The following MTSS1 variants were observed in gnomAD, a reference collection of about 807,000 sequenced individuals.
MTSS1 encodes protein MTSS 1.
MTSS1 carries 18 observed loss-of-function variants against 79.0 expected under a neutral mutation model. The observed-to-expected ratio is 0.23, with a 90% CI of 0.16 to 0.34. The LOEUF (loss-of-function observed/expected upper bound fraction) is 0.34. Among genes scored for constraint, MTSS1 ranks in the 10% least tolerant of loss-of-function variants. The pLI is 1.00. For synonymous variants in MTSS1, 341 were observed against 368.6 expected, an observed-to-expected ratio of 0.93 and a Z score of 0.86; for missense variants, 815 against 986.2, an observed-to-expected ratio of 0.83 and a Z score of 2.33.
At chr8:124,657,475 C>CAAAAA (rs58258455) in intron 3 of MTSS1, among the ~76,000 whole-genome samples, 2 of 106,992 alleles carry the variant, frequency 1.9e-5, no homozygotes, top group African/African-American at 3.3e-5. Flanking sequence ...GCAGAGTCAG[C>CAAAAA]AAAAAAAAAA....
In MTSS1 at chr8:124,691,015, C is replaced by A. The variant is rs117977678; in HGVS notation, c.208+8511G>T. 2.9e-3 allele frequency among the ~76,000 whole-genome samples: 442 copies of A among 152,204 alleles called. 7 individuals carry two copies. Among genetic ancestry groups the A allele is most frequent in the Non-Finnish European group, 1.5e-3 (100 of 68,022 alleles). On this transcript the variant is annotated intron_variant, in intron 3 of 13. Coordinates refer to ENST00000518547, the MANE Select transcript of MTSS1 (RefSeq NM_014751.6). The stretch of plus-strand genomic sequence containing the variant: ...TCTGAAGTTTCATAGAAAGCACACC[C>A]CAAACAATGACAGCTTTAAAAAAAA...
intron 10 of MTSS1, chr8:124,558,782 CACTG>C: frequency 6.3e-7 from 1 of 1,582,730 alleles, no homozygotes; most frequent in Non-Finnish European, 8.5e-7. Context: ...TGCACTCGCT[CACTG>C]ACTGGCAGGT....
intron 12 of MTSS1, 36 bp from the exon 13 acceptor site, chr8:124,555,940 TAGGG>T (rs1457282692): frequency 2.5e-6 from 4 of 1,579,544 alleles, no homozygotes; most frequent in African/African-American, 1.4e-5. Context: ...CAGGTTGCTT[TAGGG>T]GGGGGGCTCA....
intron 3 of MTSS1, among the ~76,000 whole-genome samples, chr8:124,627,696 T>C (rs1387322579): frequency 3.9e-5 from 6 of 152,042 alleles, no homozygotes; most frequent in Non-Finnish European, 5.9e-5. Context: ...CAGGGATCAC[T>C]GAAAGGGTAA....
At chr8:124,706,513 T>C (rs535555974) in intron 1 of MTSS1, among the ~76,000 whole-genome samples, 15 of 152,382 alleles carry the variant, frequency 9.8e-5, no homozygotes, top group South Asian at 4.1e-4. Context: ...CCTTCATGCA[T>C]TGGAGACCTG....
chr8:124,582,626 A>G lies in MTSS1; in HGVS notation c.460+2461T>C, dbSNP rs1830238619. ...ATCAGATTCCGTCTATCAGGACAAA[A>G]AAAAAAATGTATCCAAAACCTTCAT... On this transcript the variant is annotated intron_variant, in intron 6 of 13. Coordinates refer to ENST00000518547, the MANE Select transcript of MTSS1 (RefSeq NM_014751.6). The surrounding 1 kb of genome is among the most constrained non-coding windows in gnomAD (Gnocchi z 4.8). Among the ~76,000 whole-genome samples, 1 of 152,196 alleles carries G rather than the reference A, an allele frequency of 6.6e-6. No homozygotes were observed. Among genetic ancestry groups the G allele is most frequent in the Non-Finnish European group, 1.5e-5 (1 of 68,018 alleles).
chr8:124,622,094 G>GAGAGAGAGAGAA (rs1554678118), intron 3 of MTSS1, among the ~76,000 whole-genome samples: 21 of 150,184 alleles, frequency 1.4e-4, no homozygotes, highest in Admixed American at 8.6e-4. Context: ...GAGAGAGAGA[G>GAGAGAGAGAGAA]AGAATATGAA....
intron 3 of MTSS1, among the ~76,000 whole-genome samples, chr8:124,602,207 A>ATACACAC: frequency 1.4e-5 from 2 of 142,216 alleles, no homozygotes; most frequent in Admixed American, 6.9e-5. Context: ...ATATATATAT[A>ATACACAC]ATTTTTTTTT....
At chr8:124,617,581 A>G (rs1430845) in intron 3 of MTSS1, among the ~76,000 whole-genome samples, 74,176 of 151,808 alleles carry the variant, frequency 0.49, 19,901 homozygotes, top group African/African-American at 0.71. Context: ...CCCCTATTTT[A>G]ATTTGGGATG....
chr8:124,576,929 C>G (rs370345826), intron 6 of MTSS1, among the ~76,000 whole-genome samples: 4 of 152,318 alleles, frequency 2.6e-5, no homozygotes, highest in South Asian at 4.1e-4. Flanking sequence ...CGGCGTGCCT[C>G]CATACTCTAT....
intron 3 of MTSS1, among the ~76,000 whole-genome samples, chr8:124,598,797 A>G: frequency 6.6e-6 from 1 of 152,232 alleles, no homozygotes; most frequent in Non-Finnish European, 1.5e-5. Flanking sequence ...CTTGTGTACA[A>G]GCCCAAAATA....
At chr8:124,602,577 G>A (rs1194304932) in intron 3 of MTSS1, among the ~76,000 whole-genome samples, 2 of 152,174 alleles carry the variant, frequency 1.3e-5, no homozygotes, top group Non-Finnish European at 2.9e-5. Context: ...AGGCCTGCAG[G>A]TTGAACAAGC....
In MTSS1 at chr8:124,717,218, A is replaced by G. The variant is rs372624352; in HGVS notation, c.72+10666T>C. On this transcript the variant is annotated intron_variant, in intron 1 of 13. Coordinates refer to ENST00000518547, the MANE Select transcript of MTSS1 (RefSeq NM_014751.6). ...ACTTAAAAACAGCACCAGACTGGGC[A>G]TGGTGGCTCATGCCTGTAATCCCAG... Among the ~76,000 whole-genome samples the G allele has an allele frequency of 1.5e-4, 23 of 152,148 alleles. 1 individual carries two copies. In the South Asian group the frequency reaches 2.7e-3, roughly 18 times the overall value.
Position 124,557,668 on chromosome 8 carries a change from G to A in MTSS1, c.1230+13C>T, listed in dbSNP as rs759668935. On this transcript the variant is annotated intron_variant, in intron 11 of 13. Coordinates refer to ENST00000518547, the MANE Select transcript of MTSS1 (RefSeq NM_014751.6). ...GCAATGACGGGGAGAGGAGGAGGGGGAGAGACACAAACCTTCCAGCTAGGG... is the reference window on the plus strand; with the variant it reads ...GCAATGACGGGGAGAGGAGGAGGGGAAGAGACACAAACCTTCCAGCTAGGG... The A allele has an allele frequency of 4.7e-5, 74 of 1,559,186 alleles. 1 individual carries two copies. In the East Asian group the frequency reaches 8.4e-4, roughly 18 times the overall value.
chr8:124,720,633 C>T (rs1489246432), intron 1 of MTSS1, among the ~76,000 whole-genome samples: 5 of 152,104 alleles, frequency 3.3e-5, no homozygotes, highest in Non-Finnish European at 7.4e-5. Context: ...AACTCAGGGG[C>T]GATTTACTTA....
intron 10 of MTSS1, 138 bp from the exon 11 acceptor site, chr8:124,558,013 G>T: frequency 1.5e-6 from 1 of 678,728 alleles, no homozygotes; most frequent in Non-Finnish European, 2.4e-6. Context: ...TTGGGGCTCT[G>T]CTGCTCACGG....
At chr8:124,667,333 A>G (rs1563962935) in intron 3 of MTSS1, among the ~76,000 whole-genome samples, 1 of 152,156 alleles carries the variant, frequency 6.6e-6, no homozygotes, top group Non-Finnish European at 1.5e-5. Context: ...GATGTTACAT[A>G]TATTTTACCA....
intron 11 of MTSS1, among the ~76,000 whole-genome samples, 182 bp downstream of exon 11, chr8:124,557,499 A>G (rs1013143597): frequency 6.6e-6 from 1 of 152,176 alleles, no homozygotes; most frequent in Non-Finnish European, 1.5e-5. Flanking sequence ...GCTGTCTTAG[A>G]GCTGCCGGCT....
intron 6 of MTSS1, among the ~76,000 whole-genome samples, chr8:124,579,043 T>A (rs1402817031): frequency 2.0e-5 from 3 of 151,924 alleles, no homozygotes; most frequent in Non-Finnish European, 4.4e-5. Context: ...AGAGAAAAAA[T>A]TAAAGGGGGT....
Sources: gnomAD v4.1 joint callset for allele counts (sites outside exome capture counted in the v4.1 genomes callset) on GRCh38, gnomAD v4.1.1 for gene constraint, Gnocchi (gnomAD v3.1) non-coding constraint, MANE v1.5 for transcripts, NCBI Gene and HGNC (gene_info 2026-07-23, HGNC 2026-07-21) for gene names.